The following LINGO2 variants were observed in gnomAD, a reference collection of about 807,000 sequenced individuals.
The protein encoded by LINGO2 is leucine-rich repeat and immunoglobulin-like domain-containing nogo receptor-interacting protein 2.
A neutral mutation model predicts 30.6 loss-of-function variants in LINGO2; 14 were observed. The ratio of observed to expected loss-of-function variants is 0.46; its 90% CI spans 0.30 to 0.72. The LOEUF is 0.72. LINGO2 is among the 30% of genes least tolerant of loss of function. The probability of loss-of-function intolerance (pLI) is 0.07; values close to 1 mark genes in which losing one functional copy is unlikely to be tolerated. For synonymous variants in LINGO2, 317 were observed against 288.5 expected, an observed-to-expected ratio of 1.10 and a Z score of -1.00; for missense variants, 729 against 751.7, an observed-to-expected ratio of 0.97 and a Z score of 0.35.
chr9:28,635,890 T>C lies in LINGO2; in HGVS notation c.-365+34310A>G, dbSNP rs574149990. ...GCACAACGTACAGGTTTGTTAAATA[T>C]GTATACATGTGCCATGTTGGTGTGT... is the stretch of plus-strand genomic sequence containing the variant. On this transcript the variant is annotated intron_variant, in intron 1 of 5. Transcript: ENST00000379992. 1.7e-4 allele frequency among the ~76,000 whole-genome samples: 26 copies of C among 152,266 alleles called. No individual in the cohort carries two copies. In the South Asian group the frequency reaches 5.2e-3, roughly 30 times the overall value.
intron 4 of LINGO2, among the ~76,000 whole-genome samples, chr9:28,247,197 C>T (rs539372460): frequency 6.6e-6 from 1 of 152,272 alleles, no homozygotes; most frequent in South Asian, 2.1e-4. Flanking sequence ...TGTGGCGATT[C>T]CTCAAGGATC....
At chr9:28,189,533 GAGGGAGGGAGGGAGGA>G (rs1564029039) in intron 4 of LINGO2, among the ~76,000 whole-genome samples, 25 of 2,140 alleles carry the variant, frequency 0.012, 3 homozygotes, top group East Asian at 0.053. Flanking sequence ...GGAAGGGAGG[GAGGGAGGGAGGGAGGA>G]AGGAAGGAAG....
the LINGO2 span, among the ~76,000 whole-genome samples, chr9:29,200,425 G>C: frequency 6.6e-6 from 1 of 151,982 alleles, no homozygotes; most frequent in Non-Finnish European, 1.5e-5. Flanking sequence ...CAGTGATACA[G>C]AAAGTATCAA....
At chr9:28,058,513 G>C (rs562232057) in intron 4 of LINGO2, among the ~76,000 whole-genome samples, 4 of 152,070 alleles carry the variant, frequency 2.6e-5, no homozygotes, top group African/African-American at 7.2e-5. Flanking sequence ...TCTCTTACTG[G>C]ACTTACACTA....
chr9:28,196,181 T>C (rs958626587), intron 4 of LINGO2, among the ~76,000 whole-genome samples: 6 of 151,796 alleles, frequency 4.0e-5, no homozygotes, highest in African/African-American at 1.4e-4. Context: ...GGATTTACAT[T>C]GTTAAAACAC....
the LINGO2 span, among the ~76,000 whole-genome samples, chr9:28,941,902 G>A: frequency 6.6e-6 from 1 of 152,280 alleles, no homozygotes; most frequent in South Asian, 2.1e-4. Context: ...GGAAGATAAA[G>A]ACAGTAGCAT....
intron 4 of LINGO2, chr9:28,149,185 T>C: frequency 3.1e-6 from 4 of 1,296,552 alleles, no homozygotes; most frequent in Non-Finnish European, 4.3e-6. Context: ...GAGAGCTGCT[T>C]AGGAGGAGAA....
At chr9:28,461,483 A>AT (rs991871685) in intron 2 of LINGO2, among the ~76,000 whole-genome samples, 2 of 152,304 alleles carry the variant, frequency 1.3e-5, no homozygotes, top group African/African-American at 4.8e-5. Flanking sequence ...GGCATGTATT[A>AT]TTTTTTCTTG....
At chr9:28,757,356 A>G in the LINGO2 span, among the ~76,000 whole-genome samples, 1 of 151,920 alleles carries the variant, frequency 6.6e-6, no homozygotes. Flanking sequence ...AACCCCTACA[A>G]TTACCCAGAT....
the LINGO2 span, among the ~76,000 whole-genome samples, chr9:28,752,190 T>G: frequency 6.6e-6 from 1 of 151,918 alleles, no homozygotes; most frequent in Non-Finnish European, 1.5e-5. Flanking sequence ...GTGTAAGTAT[T>G]GGGCTCCTGG....
chr9:28,697,412 TA>T, the LINGO2 span, among the ~76,000 whole-genome samples: 1 of 151,974 alleles, frequency 6.6e-6, no homozygotes, highest in South Asian at 2.1e-4. Flanking sequence ...ACCGACTATA[TA>T]TTTTTTAAAA....
the LINGO2 span, among the ~76,000 whole-genome samples, chr9:28,939,704 C>T: frequency 6.6e-6 from 1 of 152,090 alleles, no homozygotes; most frequent in Non-Finnish European, 1.5e-5. Flanking sequence ...TGCTATCTTA[C>T]TAATTTATCT....
chr9:28,963,040 G>A, the LINGO2 span, among the ~76,000 whole-genome samples: 2 of 151,882 alleles, frequency 1.3e-5, no homozygotes, highest in Non-Finnish European at 2.9e-5. Flanking sequence ...AAGATACAAT[G>A]TTCTGCATTT....
chr9:27,965,791 C>G (rs1820073238), intron 5 of LINGO2, among the ~76,000 whole-genome samples: 1 of 151,982 alleles, frequency 6.6e-6, no homozygotes, highest in African/African-American at 2.4e-5. Flanking sequence ...TTTTGTCTAG[C>G]TTTGAGGTCT....
intron 3 of LINGO2, among the ~76,000 whole-genome samples, chr9:28,311,983 A>C (rs1399683767): frequency 6.6e-6 from 1 of 152,202 alleles, no homozygotes; most frequent in African/African-American, 2.4e-5. Flanking sequence ...ATAAATGTCC[A>C]TGAAATCTTC....
chr9:29,088,453 C>A, the LINGO2 span, among the ~76,000 whole-genome samples: 1 of 152,132 alleles, frequency 6.6e-6, no homozygotes, highest in Non-Finnish European at 1.5e-5. Flanking sequence ...GCCAGAGGAC[C>A]ATTCTTTACA....
At chr9:28,892,836 C>T in the LINGO2 span, among the ~76,000 whole-genome samples, 1 of 151,882 alleles carries the variant, frequency 6.6e-6, no homozygotes, top group Admixed American at 6.6e-5. Context: ...GCTAGTGCTA[C>T]AATGACGAAA....
the LINGO2 span, among the ~76,000 whole-genome samples, chr9:28,849,335 C>G: frequency 3.9e-4 from 60 of 152,008 alleles, no homozygotes; most frequent in Non-Finnish European, 5.0e-4. Context: ...ACAGAGTAAA[C>G]CAGCTTGCAG....
At chr9:28,655,569 C>T (rs1349191193) in intron 1 of LINGO2, among the ~76,000 whole-genome samples, 1 of 151,988 alleles carries the variant, frequency 6.6e-6, no homozygotes, top group Non-Finnish European at 1.5e-5. Context: ...TTTGTATCCT[C>T]ACCCAAATCT....
Sources: allele counts gnomAD v4.1 joint callset (sites outside exome capture counted in the v4.1 genomes callset), GRCh38; gene constraint gnomAD v4.1.1; transcripts MANE v1.5; gene names NCBI Gene and HGNC (gene_info 2026-07-23, HGNC 2026-07-21).